Variants in ZNF415 observed in about 807,000 individuals in gnomAD.
The protein encoded by ZNF415 is zinc finger protein 415.
A neutral mutation model predicts 7.3 loss-of-function variants in ZNF415; 5 were observed. That is an observed-to-expected ratio of 0.69 (90% CI 0.36 to 1.44). The LOEUF (loss-of-function observed/expected upper bound fraction) is 1.44, where lower values mean the gene tolerates loss of function less well. Among genes scored for constraint, ZNF415 ranks in the 40% most tolerant of loss-of-function variants. The pLI is 0.04. For missense variants in ZNF415, 628 were observed against 664.8 expected (o/e 0.94, Z 0.61); for synonymous variants, 207 against 226.3 (o/e 0.91, Z 0.77).
rs780392160 is a variant in ZNF415 at position 53,109,183 on chromosome 19, C to T, written c.862G>A (p.Ala288Thr). Residue 288 changes from alanine (A) to threonine (T), a missense_variant, in exon 4 of 4, where the codon GCA becomes ACA. Ala to Thr is a moderately conservative substitution (Grantham distance 58). Coordinates refer to ENST00000243643, the MANE Select transcript of ZNF415 (RefSeq NM_018355.4). ...DRSFSRNSCL[A>T]LHRRVHTGEK... ...CCAGTGTGAACTCTCCGATGTAGTG[C>T]AAGGCATGAGTTGCGACTGAAACTT... The T allele has an allele frequency of 6.2e-7, 1 of 1,614,026 alleles. No homozygotes were observed. The highest frequency in any genetic ancestry group is 8.5e-7 in the Non-Finnish European group (1 of 1,179,984).
intron 1 of ZNF415, among the ~76,000 whole-genome samples, chr19:53,131,691 T>C (rs2090095761): frequency 6.6e-6 from 1 of 152,082 alleles, no homozygotes; most frequent in Non-Finnish European, 1.5e-5. Context: ...CTCTATTCTT[T>C]CTCTTCCACT....
chr19:53,126,663 G>A (rs1456473482), intron 1 of ZNF415, among the ~76,000 whole-genome samples: 6 of 129,636 alleles, frequency 4.6e-5, no homozygotes, highest in Non-Finnish European at 8.8e-5. Context: ...AGAGGACAAT[G>A]GGGAAAGGGA....
At chr19:53,123,886 C>T (rs1317564270) in intron 1 of ZNF415, 1 of 259,468 alleles carries the variant, frequency 3.9e-6, no homozygotes, top group Non-Finnish European at 7.1e-6. Flanking sequence ...TCTAGGGAGT[C>T]AGGAAGTCAC....
chr19:53,132,796 A>C (rs372721619), intron 1 of ZNF415, 60 bp downstream of exon 1: 1 of 152,452 alleles, frequency 6.6e-6, no homozygotes, highest in Non-Finnish European at 1.5e-5. Flanking sequence ...GACCCTGGAC[A>C]TCGGCTGTGG....
Position 53,108,969 on chromosome 19 carries a change from T to C in ZNF415, c.1076A>G (p.Asn359Ser), listed in dbSNP as rs1442926688. Residue 359 changes from asparagine to serine, a missense_variant, in exon 4 of 4, where the codon AAT (asparagine) becomes AGT (serine). Asn to Ser is a conservative substitution (Grantham distance 46). Transcript: ENST00000243643. Reference sequence around the variant, plus strand: ...CTGACTGAACACCTTGCCACATTCATTGCATTTGTAAGGTTTCTTGCCACT... The same window carrying C: ...CTGACTGAACACCTTGCCACATTCACTGCATTTGTAAGGTTTCTTGCCACT... ...IHSGKKPYKC[N>S]ECGKVFSQTS... 6.2e-7 allele frequency: 1 copy of C among 1,614,156 alleles called. No individual in the cohort carries two copies. The highest frequency in any genetic ancestry group is 1.7e-5 in the Admixed American group (1 of 60,010).
chr19:53,119,483 G>A lies in ZNF415; in HGVS notation c.16-3050C>T, dbSNP rs942272427. 1.7e-4 allele frequency among the ~76,000 whole-genome samples: 23 copies of A among 134,960 alleles called. 1 individual carries two copies. Among genetic ancestry groups the A allele is most frequent in the Non-Finnish European group, 3.4e-4 (21 of 62,384 alleles). The allele number at this position is 134,960 out of a possible 152,430, so 88.5% of individuals were successfully genotyped here. Reference sequence around the variant, plus strand: ...AAAAAAAAAAAAATTTAAATAGACAGTCTAACAATGCACCTCAAGGAACTA... The same window carrying A: ...AAAAAAAAAAAAATTTAAATAGACAATCTAACAATGCACCTCAAGGAACTA... On this transcript the variant is annotated intron_variant, in intron 2 of 3. Transcript: ENST00000243643.
chr19:53,108,774 T>C lies in ZNF415; in HGVS notation c.1271A>G (p.Asn424Ser), dbSNP rs146513773. 271 of 1,613,448 alleles carry C rather than the reference T, an allele frequency of 1.7e-4. No homozygotes were observed. In the African/African-American group the frequency reaches 3.0e-3, roughly 18 times the overall value. Reference sequence around the variant, plus strand: ...TCTCCGATGACTCGCAAGGTGTGAATTGTAACTGAAAACCTTACCACATTC... The same window carrying C: ...TCTCCGATGACTCGCAAGGTGTGAACTGTAACTGAAAACCTTACCACATTC... ...CNECGKVFSY[N>S]SHLASHRRVH... Residue 424 changes from asparagine to serine, a missense_variant, in exon 4 of 4, where the codon AAT becomes AGT. Coordinates refer to ENST00000243643, the MANE Select transcript of ZNF415 (RefSeq NM_018355.4).
intron 2 of ZNF415, among the ~76,000 whole-genome samples, chr19:53,117,388 C>T (rs1428246130): frequency 7.9e-5 from 12 of 151,472 alleles, no homozygotes; most frequent in African/African-American, 2.7e-4. Context: ...TTGCGGTGAG[C>T]CGAGATCACA....
intron 1 of ZNF415, among the ~76,000 whole-genome samples, chr19:53,130,973 C>T (rs1389071216): frequency 6.6e-6 from 1 of 150,488 alleles, no homozygotes; most frequent in East Asian, 2.0e-4. Context: ...TTTTGAGCAA[C>T]GTTGTCCAAT....
chr19:53,119,237 G>A (rs1186563276), intron 2 of ZNF415, among the ~76,000 whole-genome samples: 2 of 151,824 alleles, frequency 1.3e-5, no homozygotes, highest in African/African-American at 2.4e-5. Flanking sequence ...AGCCCAGACC[G>A]AGCCACTGCA....
At chr19:53,119,185 G>A (rs1183454348) in intron 2 of ZNF415, among the ~76,000 whole-genome samples, 1 of 151,954 alleles carries the variant, frequency 6.6e-6, no homozygotes, top group South Asian at 2.1e-4. Flanking sequence ...GGGAGGCTGA[G>A]GCAGGAGAAT....
At chr19:53,122,885 G>A in intron 1 of ZNF415, 142 bp from the exon 2 acceptor site, 1 of 610,102 alleles carries the variant, frequency 1.6e-6, no homozygotes, top group Non-Finnish European at 2.9e-6. Context: ...TGGCCCCAGG[G>A]ACAAGAAACT....
chr19:53,115,446 G>A (rs1177269747), intron 3 of ZNF415: 5 of 492,096 alleles, frequency 1.0e-5, no homozygotes, highest in South Asian at 4.9e-5. Flanking sequence ...GAGAGTTCAC[G>A]GAAGTCAGAG....
chr19:53,130,164 C>G (rs1264627317), intron 1 of ZNF415, among the ~76,000 whole-genome samples: 1 of 152,002 alleles, frequency 6.6e-6, no homozygotes, highest in East Asian at 1.9e-4. Flanking sequence ...CACATTGGTT[C>G]CAAATGCAGC....
chr19:53,119,239 G>A (rs1235591494), intron 2 of ZNF415, among the ~76,000 whole-genome samples: 1 of 151,792 alleles, frequency 6.6e-6, no homozygotes, highest in African/African-American at 2.4e-5. Context: ...CCCAGACCGA[G>A]CCACTGCACT....
At chr19:53,128,354 C>T (rs902284428) in intron 1 of ZNF415, among the ~76,000 whole-genome samples, 5 of 146,904 alleles carry the variant, frequency 3.4e-5, no homozygotes, top group African/African-American at 5.0e-5. Context: ...ACTGAGCTGA[C>T]GGAGGATGTC....
At chr19:53,116,528 A>G (rs562527775) in intron 2 of ZNF415, 95 bp from the exon 3 acceptor site, 67 of 1,508,502 alleles carry the variant, frequency 4.4e-5, no homozygotes, top group Non-Finnish European at 5.9e-5. Flanking sequence ...TTAAGTATAG[A>G]TTTAATTGAA....
chr19:53,132,423 G>A (rs2090202990), intron 1 of ZNF415, among the ~76,000 whole-genome samples: 1 of 152,110 alleles, frequency 6.6e-6, no homozygotes, highest in Non-Finnish European at 1.5e-5. Context: ...ACGAGGAGGA[G>A]GGAGGTGGGG....
At chr19:53,119,125 C>T (rs10417706) in intron 2 of ZNF415, among the ~76,000 whole-genome samples, 12,645 of 151,646 alleles carry the variant, frequency 0.083, 550 homozygotes, top group East Asian at 0.12. Flanking sequence ...TAAAAAAATA[C>T]AAAAAAATTA....
Sources: allele counts gnomAD v4.1 joint callset (sites outside exome capture counted in the v4.1 genomes callset), GRCh38; gene constraint gnomAD v4.1.1; transcripts MANE v1.5; gene names NCBI Gene and HGNC (gene_info 2026-07-23, HGNC 2026-07-21).